The following NSUN2 variants were observed in gnomAD, a reference collection of about 807,000 sequenced individuals.
NSUN2 encodes RNA cytosine C(5)-methyltransferase NSUN2.
A neutral mutation model predicts 92.7 loss-of-function variants in NSUN2; 63 were observed. The ratio of observed to expected loss-of-function variants is 0.68; its 90% CI spans 0.56 to 0.84. The LOEUF (loss-of-function observed/expected upper bound fraction) is 0.84. Among genes scored for constraint, NSUN2 ranks in the 40% least tolerant of loss-of-function variants. The probability of loss-of-function intolerance (pLI) is 0.00; values close to 1 mark genes in which losing one functional copy is unlikely to be tolerated. For missense variants in NSUN2, 989 were observed against 964.9 expected (o/e 1.02, Z -0.33); for synonymous variants, 356 against 348.3 (o/e 1.02, Z -0.25).
At chr5:6,621,826 G>A (rs1204877895) in intron 6 of NSUN2, 190 bp downstream of exon 6, 4 of 560,316 alleles carry the variant, frequency 7.1e-6, no homozygotes, top group Non-Finnish European at 9.6e-6. Context: ...CATGGTATGA[G>A]TGTGTTTGTT....
chr5:6,615,991 A>G (rs2059839), intron 9 of NSUN2, among the ~76,000 whole-genome samples: 4,898 of 152,330 alleles, frequency 0.032, 278 homozygotes, highest in African/African-American at 0.11. Flanking sequence ...AGAGCCCCAG[A>G]TAATAAGTGT....
intron 10 of NSUN2, among the ~76,000 whole-genome samples, chr5:6,611,442 C>A (rs1736984083): frequency 2.6e-5 from 1 of 37,862 alleles, no homozygotes; most frequent in African/African-American, 1.1e-4. Context: ...GAATCCCGGC[C>A]CAATTTAAAA....
At chr5:6,607,820 C>T (rs1736839521) in intron 12 of NSUN2, among the ~76,000 whole-genome samples, 1 of 151,994 alleles carries the variant, frequency 6.6e-6, no homozygotes, top group Non-Finnish European at 1.5e-5. Context: ...TTCTTGGGCA[C>T]CTGGACAAAC....
chr5:6,600,912 T>C (rs1215483129), intron 18 of NSUN2, among the ~76,000 whole-genome samples: 1 of 152,172 alleles, frequency 6.6e-6, no homozygotes, highest in African/African-American at 2.4e-5. Flanking sequence ...CGAGCCTCCC[T>C]ACCTTCCAGG....
At chr5:6,608,985 G>A (rs1736885581) in intron 12 of NSUN2, among the ~76,000 whole-genome samples, 1 of 152,194 alleles carries the variant, frequency 6.6e-6, no homozygotes, top group South Asian at 2.1e-4. Context: ...CCTGGTGGCG[G>A]CAGAAGTGCA....
At chr5:6,623,529 G>C (rs1737543988) in intron 4 of NSUN2, among the ~76,000 whole-genome samples, 1 of 152,062 alleles carries the variant, frequency 6.6e-6, no homozygotes, top group South Asian at 2.1e-4. Context: ...GAAAGAAAAG[G>C]GACTTGAAGC....
At position 6,604,155 on chromosome 5, in the gene NSUN2, C is replaced by T. The variant is rs1265947283; in HGVS notation, c.1940G>A (p.Ser647Asn). The change falls in exon 17 of 19, where the codon AGT becomes AAT. Residue 647 changes from serine to asparagine, a missense_variant. This residue lies in a region of NSUN2 where 626 missense variants were observed against 602.3 expected (regional missense o/e 1.04). Transcript: ENST00000264670. ...FFRKLSSETYSQAKDLAKGSI... is the reference protein window; with the variant it reads ...FFRKLSSETYNQAKDLAKGSI... ...CTACTCACCCAGGTCCTTTGCTTGACTGTAGGTCTCACTGCTGAGTTTTCT... is the reference window on the plus strand; with the variant it reads ...CTACTCACCCAGGTCCTTTGCTTGATTGTAGGTCTCACTGCTGAGTTTTCT... 2 of 1,613,764 alleles carry T rather than the reference C, an allele frequency of 1.2e-6. No individual in the cohort carries two copies. Among genetic ancestry groups the T allele is most frequent in the Admixed American group, 3.3e-5 (2 of 59,982 alleles).
In NSUN2 at chr5:6,627,366, T is replaced by C. The variant is rs768347276; in HGVS notation, c.360-1697A>G. Among the ~76,000 whole-genome samples, 4 of 152,220 alleles carry C rather than the reference T, an allele frequency of 2.6e-5. No homozygotes were observed. In the South Asian group the frequency reaches 6.2e-4, roughly 24 times the overall value. On this transcript the variant is annotated intron_variant, in intron 3 of 18. Coordinates refer to ENST00000264670, the MANE Select transcript of NSUN2 (RefSeq NM_017755.6). Reference sequence around the variant, plus strand: ...ATATAGTATCTGGTCTTCCTGAACTTGTCTGTCTCAAAGCTAGTACGATCA... The same window carrying C: ...ATATAGTATCTGGTCTTCCTGAACTCGTCTGTCTCAAAGCTAGTACGATCA...
rs76288346 is a variant in NSUN2, at chr5:6,624,787, G to C, written c.465+777C>G. Among the ~76,000 whole-genome samples, 1,326 of 146,858 alleles carry C rather than the reference G, an allele frequency of 9.0e-3. 19 individuals carry two copies. The highest frequency in any genetic ancestry group is 0.031 in the African/African-American group (1,222 of 39,568). ...AAGAACCATAATCTGGTGACACACA[G>C]ATTTACTAGAAGGTAGTAGTTTAGA... is the stretch of plus-strand genomic sequence containing the variant. On this transcript the variant is annotated intron_variant, in intron 4 of 18. Coordinates refer to ENST00000264670, the MANE Select transcript of NSUN2 (RefSeq NM_017755.6).
At chr5:6,627,863 G>A (rs1283174774) in intron 3 of NSUN2, among the ~76,000 whole-genome samples, 1 of 152,008 alleles carries the variant, frequency 6.6e-6, no homozygotes, top group Non-Finnish European at 1.5e-5. Flanking sequence ...CAAAATGAGA[G>A]GTATATTTAA....
In NSUN2 at chr5:6,604,602, T is replaced by C. The variant is rs773444338; in HGVS notation, c.1818+3A>G. 9 of 1,613,592 alleles carry C rather than the reference T, an allele frequency of 5.6e-6. No homozygotes were observed. Among genetic ancestry groups the C allele is most frequent in the East Asian group, 2.2e-5 (1 of 44,882 alleles). On this transcript the variant is annotated splice_donor_region_variant and intron_variant, in intron 16 of 18. Transcript: ENST00000264670. ...TGCTGTTCAAATCCACTTCCAAAAT[T>C]ACCTCCTGTGCCAGCCGGAAAGCAC...
At chr5:6,611,674 C>T (rs1736998547) in intron 10 of NSUN2, 51 bp downstream of exon 10, 3 of 1,482,362 alleles carry the variant, frequency 2.0e-6, no homozygotes, top group African/African-American at 2.8e-5. Context: ...GACTCTACTT[C>T]AGTGATGCTG....
At chr5:6,607,067 C>CA (rs1267435119) in intron 13 of NSUN2, 133 bp downstream of exon 13, 4 of 1,023,498 alleles carry the variant, frequency 3.9e-6, no homozygotes, top group Non-Finnish European at 6.0e-6. Context: ...CCAGCCCTCA[C>CA]ACTGCATGTG....
At chr5:6,603,101 G>C (rs1025256358) in intron 17 of NSUN2, among the ~76,000 whole-genome samples, 5 of 152,074 alleles carry the variant, frequency 3.3e-5, no homozygotes, top group Middle Eastern at 3.2e-3. Flanking sequence ...ACGTACTTTT[G>C]ATCAAATTGA....
chr5:6,631,850 G>C (rs1194408513), intron 3 of NSUN2, 23 bp downstream of exon 3: 8 of 1,463,582 alleles, frequency 5.5e-6, no homozygotes, highest in Non-Finnish European at 7.6e-6. Flanking sequence ...TAAATATTCG[G>C]CATGAAGCAC....
At chr5:6,632,854 C>T in intron 1 of NSUN2, 30 bp downstream of exon 1, 1 of 1,540,528 alleles carries the variant, frequency 6.5e-7, no homozygotes. Context: ...GGAGGAGCCC[C>T]TGGCCCGCCC....
intron 9 of NSUN2, among the ~76,000 whole-genome samples, chr5:6,614,124 C>CACCCACCT (rs1553997978): frequency 1.4e-5 from 1 of 73,190 alleles, no homozygotes; most frequent in Non-Finnish European, 2.8e-5. Context: ...AAAAAAAAAC[C>CACCCACCT]CACAACACAC....
intron 12 of NSUN2, among the ~76,000 whole-genome samples, chr5:6,608,374 G>A (rs1425019950): frequency 1.3e-5 from 2 of 152,128 alleles, no homozygotes; most frequent in Non-Finnish European, 2.9e-5. Context: ...GAGCTTCCCT[G>A]GCCTAACTTC....
At chr5:6,607,865 A>G (rs1736842354) in intron 12 of NSUN2, among the ~76,000 whole-genome samples, 1 of 152,260 alleles carries the variant, frequency 6.6e-6, no homozygotes, top group Non-Finnish European at 1.5e-5. Flanking sequence ...AGAGTGCCCC[A>G]GGCACCAAGG....
Sources: gnomAD v4.1 joint callset for allele counts (sites outside exome capture counted in the v4.1 genomes callset) on GRCh38, gnomAD v4.1.1 for gene constraint, gnomAD v4.1.1 regional missense constraint, MANE v1.5 for transcripts, NCBI Gene and HGNC (gene_info 2026-07-23, HGNC 2026-07-21) for gene names.